The following CORIN variants were observed in gnomAD, a reference collection of about 807,000 sequenced individuals.
CORIN encodes the protein corin, serine peptidase.
CORIN carries 117 observed loss-of-function variants against 125.3 expected under a neutral mutation model. That is an observed-to-expected ratio of 0.93 (90% confidence interval 0.80 to 1.09). The LOEUF is 1.09. Ranked by LOEUF, CORIN falls within the 50% of genes least tolerant of loss-of-function variation. CORIN has a pLI of 0.00. For missense variants in CORIN, 1,253 were observed against 1,306.7 expected, an observed-to-expected ratio of 0.96 and a Z score of 0.63; for synonymous variants, 450 against 466.4, an observed-to-expected ratio of 0.96 and a Z score of 0.45.
intron 3 of CORIN, among the ~76,000 whole-genome samples, chr4:47,770,225 T>C (rs1422414768): frequency 6.6e-6 from 1 of 151,992 alleles, no homozygotes; most frequent in Non-Finnish European, 1.5e-5. Context: ...AAAAAATACA[T>C]ACGAATGGCC....
At chr4:47,663,926 T>G (rs965898598) in intron 11 of CORIN, among the ~76,000 whole-genome samples, 4 of 152,234 alleles carry the variant, frequency 2.6e-5, no homozygotes, top group Non-Finnish European at 4.4e-5. Context: ...CCAAGTCATT[T>G]TGAAATTTTA....
At chr4:47,599,178 G>A (rs1247301161) in intron 21 of CORIN, among the ~76,000 whole-genome samples, 1 of 152,082 alleles carries the variant, frequency 6.6e-6, no homozygotes, top group Non-Finnish European at 1.5e-5. Context: ...GAGAAGGGAG[G>A]GATTCCTTTA....
intron 5 of CORIN, among the ~76,000 whole-genome samples, chr4:47,710,946 G>A (rs1275108378): frequency 6.6e-6 from 1 of 152,234 alleles, no homozygotes; most frequent in East Asian, 1.9e-4. Context: ...TGACAACAGA[G>A]CATTAAACCA....
intron 4 of CORIN, among the ~76,000 whole-genome samples, chr4:47,750,199 G>A (rs1272362530): frequency 6.6e-6 from 1 of 152,176 alleles, no homozygotes; most frequent in Non-Finnish European, 1.5e-5. Context: ...CCATATAAGA[G>A]GTTAGGCTTA....
intron 3 of CORIN, among the ~76,000 whole-genome samples, chr4:47,768,014 A>C (rs986251839): frequency 6.6e-6 from 1 of 152,196 alleles, no homozygotes; most frequent in Non-Finnish European, 1.5e-5. Flanking sequence ...GAAGAATCAC[A>C]AAAGAAGTGA....
intron 3 of CORIN, among the ~76,000 whole-genome samples, chr4:47,776,220 G>A (rs545986726): frequency 1.3e-5 from 2 of 151,862 alleles, no homozygotes; most frequent in East Asian, 3.9e-4. Flanking sequence ...TTGCCATGTT[G>A]CCCAGGCTGG....
intron 4 of CORIN, among the ~76,000 whole-genome samples, chr4:47,746,047 T>C (rs1728647957): frequency 6.6e-6 from 1 of 152,204 alleles, no homozygotes; most frequent in African/African-American, 2.4e-5. Context: ...ATATAAAATA[T>C]GAATTGGTTC....
At chr4:47,712,186 C>T (rs765688938) in intron 5 of CORIN, among the ~76,000 whole-genome samples, 9 of 151,988 alleles carry the variant, frequency 5.9e-5, no homozygotes, top group Admixed American at 4.6e-4. Flanking sequence ...ATTATTAAAC[C>T]GGCATCATAA....
intron 15 of CORIN, among the ~76,000 whole-genome samples, chr4:47,642,463 A>G (rs1432617003): frequency 1.3e-5 from 2 of 152,250 alleles, no homozygotes; most frequent in Non-Finnish European, 2.9e-5. Flanking sequence ...TTTAGGATTA[A>G]TTTGGTATAT....
At chr4:47,758,805 A>G (rs1239101944) in intron 4 of CORIN, among the ~76,000 whole-genome samples, 1 of 152,210 alleles carries the variant, frequency 6.6e-6, no homozygotes, top group African/African-American at 2.4e-5. Context: ...CCTTCCTGCC[A>G]TCATGTGAAG....
At chr4:47,641,800 G>GT in intron 16 of CORIN, 120 bp downstream of exon 16, 4 of 1,224,162 alleles carry the variant, frequency 3.3e-6, no homozygotes, top group Non-Finnish European at 4.5e-6. Flanking sequence ...CATTTCCCGG[G>GT]TTTTGAAGGA....
chr4:47,768,684 TA>T (rs1256557116), intron 3 of CORIN, among the ~76,000 whole-genome samples: 1 of 152,168 alleles, frequency 6.6e-6, no homozygotes, highest in Non-Finnish European at 1.5e-5. Flanking sequence ...CACAAATTAA[TA>T]AATGTGATAC....
At chr4:47,604,407 C>A (rs553259419) in intron 19 of CORIN, among the ~76,000 whole-genome samples, 5 of 152,176 alleles carry the variant, frequency 3.3e-5, no homozygotes, top group Non-Finnish European at 7.4e-5. Flanking sequence ...TCCCACCATA[C>A]GCTGGTGACC....
intron 9 of CORIN, among the ~76,000 whole-genome samples, chr4:47,677,268 G>A (rs747796557): frequency 3.3e-5 from 5 of 152,174 alleles, no homozygotes; most frequent in Non-Finnish European, 4.4e-5. Context: ...GTAGCAGACC[G>A]AGGCTTGATC....
intron 6 of CORIN, among the ~76,000 whole-genome samples, chr4:47,685,487 T>G (rs1480384818): frequency 6.6e-6 from 1 of 152,102 alleles, no homozygotes; most frequent in African/African-American, 2.4e-5. Context: ...ATCTGAGAAG[T>G]AGTTACAGTA....
intron 8 of CORIN, among the ~76,000 whole-genome samples, chr4:47,678,841 T>G (rs553945731): frequency 2.6e-5 from 4 of 152,220 alleles, no homozygotes; most frequent in Admixed American, 2.6e-4. Context: ...CTGAGCACCA[T>G]GTCCTTGCTT....
rs1199963448 is a variant in CORIN at position 47,604,467 on chromosome 4, G to T, written c.2541-799C>A. On this transcript the variant is annotated intron_variant, in intron 19 of 21. Coordinates refer to ENST00000273857, the MANE Select transcript of CORIN (RefSeq NM_006587.4). The stretch of plus-strand genomic sequence containing the variant: ...CCTTTCCCTGAGCTGCAGACTTAAT[G>T]TTCAATGGTCTATTTAACACTCTCA... Among the ~76,000 whole-genome samples, 18 of 152,068 alleles carry T rather than the reference G, an allele frequency of 1.2e-4. 1 individual carries two copies. The highest frequency in any genetic ancestry group is 1.1e-3 in the Admixed American group (17 of 15,268).
chr4:47,751,355 T>A (rs1728891022), intron 4 of CORIN, among the ~76,000 whole-genome samples: 1 of 152,326 alleles, frequency 6.6e-6, no homozygotes, highest in African/African-American at 2.4e-5. Flanking sequence ...AGTCTCCAAG[T>A]CCAAAAGCCT....
intron 11 of CORIN, among the ~76,000 whole-genome samples, chr4:47,662,481 C>G (rs1236115778): frequency 1.3e-5 from 2 of 152,042 alleles, no homozygotes; most frequent in Admixed American, 1.3e-4. Context: ...TGCTTTCGTG[C>G]GTATTATGTC....
Sources: gnomAD v4.1 joint callset for allele counts (sites outside exome capture counted in the v4.1 genomes callset) on GRCh38, gnomAD v4.1.1 for gene constraint, MANE v1.5 for transcripts, NCBI Gene and HGNC (gene_info 2026-07-23, HGNC 2026-07-21) for gene names.